The following MFHAS1 variants were observed in gnomAD, a reference collection of about 807,000 sequenced individuals.
MFHAS1 encodes multifunctional ROCO family signaling regulator 1, also known as malignant fibrous histiocytoma-amplified sequence 1.
In MFHAS1, 50 loss-of-function variants were observed where a neutral mutation model predicts 70.4. The observed-to-expected ratio is 0.71, with a 90% CI of 0.57 to 0.90. MFHAS1 has a LOEUF of 0.90. MFHAS1 is among the 40% of genes least tolerant of loss of function. MFHAS1 has a pLI of 0.00. For synonymous variants in MFHAS1, 952 were observed against 620.0 expected (o/e 1.54, Z -7.96); for missense variants, 1,795 against 1,347.6 (o/e 1.33, Z -5.20).
intron 1 of MFHAS1, among the ~76,000 whole-genome samples, chr8:8,840,154 C>T (rs942133317): frequency 4.6e-5 from 7 of 152,148 alleles, no homozygotes; most frequent in South Asian, 2.1e-4. Context: ...ACTCCAGGGA[C>T]GCAACAAAAT....
At chr8:8,802,960 C>T (rs1585023434) in intron 1 of MFHAS1, among the ~76,000 whole-genome samples, 1 of 152,248 alleles carries the variant, frequency 6.6e-6, no homozygotes, top group African/African-American at 2.4e-5. Flanking sequence ...TGCAGGCTAT[C>T]GGTAGATTTG....
At chr8:8,850,110 C>T (rs1013519240) in intron 1 of MFHAS1, among the ~76,000 whole-genome samples, 3 of 152,144 alleles carry the variant, frequency 2.0e-5, no homozygotes, top group African/African-American at 7.2e-5. Context: ...GCTACCAAAA[C>T]CAAAAATCAG....
chr8:8,816,029 A>G (rs1359857069), intron 1 of MFHAS1, among the ~76,000 whole-genome samples: 3 of 152,238 alleles, frequency 2.0e-5, no homozygotes, highest in Non-Finnish European at 2.9e-5. Flanking sequence ...GGGAATAACT[A>G]TGTTGAGTAA....
intron 2 of MFHAS1, among the ~76,000 whole-genome samples, chr8:8,789,921 G>C (rs538458088): frequency 2.6e-5 from 4 of 151,780 alleles, no homozygotes; most frequent in South Asian, 4.2e-4. Flanking sequence ...CTGCCTACCC[G>C]GCCTTGCCCG....
chr8:8,841,398 C>T (rs1807817907), intron 1 of MFHAS1, among the ~76,000 whole-genome samples: 1 of 152,044 alleles, frequency 6.6e-6, no homozygotes, highest in Non-Finnish European at 1.5e-5. Flanking sequence ...TCGCTTGAAC[C>T]CAGGAGGCAG....
At chr8:8,884,961 C>A (rs394557) in intron 1 of MFHAS1, among the ~76,000 whole-genome samples, 2 of 150,670 alleles carry the variant, frequency 1.3e-5, no homozygotes, top group Non-Finnish European at 3.0e-5. Context: ...CCCACCCCCC[C>A]AAAAAAAAAG....
intron 1 of MFHAS1, among the ~76,000 whole-genome samples, chr8:8,798,071 C>T (rs1387076596): frequency 6.6e-6 from 1 of 152,186 alleles, no homozygotes; most frequent in Non-Finnish European, 1.5e-5. Flanking sequence ...CACTATCTAA[C>T]GAGTCTAGCA....
At chr8:8,800,340 T>G (rs1251442379) in intron 1 of MFHAS1, among the ~76,000 whole-genome samples, 1 of 152,140 alleles carries the variant, frequency 6.6e-6, no homozygotes, top group African/African-American at 2.4e-5. Flanking sequence ...TAGGAAAAGA[T>G]CCTCAAATAT....
At position 8,892,897 on chromosome 8, in the gene MFHAS1, G is replaced by T. The variant is rs759785690; in HGVS notation, c.162C>A (p.Pro54=). 1 of 1,572,826 alleles carries T rather than the reference G, an allele frequency of 6.4e-7. No individual in the cohort carries two copies. Among genetic ancestry groups the T allele is most frequent in the Admixed American group, 1.9e-5 (1 of 54,026 alleles). The change falls in exon 1 of 3, where the codon CCC becomes CCA. Residue 54 remains proline (P), a synonymous_variant. Coordinates refer to ENST00000276282, the MANE Select transcript of MFHAS1 (RefSeq NM_004225.3). This position sits in a 1 kb window ranked among gnomAD's most constrained non-coding sequence, Gnocchi z 4.7. ...GADALESPAS[P]QLVLPANLGD... ...CGAGGTTGGCCGGCAGCACGAGCTG[G>T]GGGGAGGCGGGGGACTCGAGCGCGT...
chr8:8,810,547 T>C (rs550742320), intron 1 of MFHAS1, among the ~76,000 whole-genome samples: 1 of 152,340 alleles, frequency 6.6e-6, no homozygotes, highest in South Asian at 2.1e-4. Context: ...AAGATCTTTA[T>C]GACAATCCAC....
intron 1 of MFHAS1, among the ~76,000 whole-genome samples, chr8:8,797,985 G>C (rs1355790108): frequency 5.9e-5 from 9 of 152,196 alleles, no homozygotes; most frequent in Admixed American, 5.9e-4. Context: ...AACACAAACA[G>C]CCTAAGATCA....
chr8:8,800,795 A>C (rs1325548226), intron 1 of MFHAS1, among the ~76,000 whole-genome samples: 1 of 152,072 alleles, frequency 6.6e-6, no homozygotes, highest in Non-Finnish European at 1.5e-5. Context: ...CTGCCTGGAC[A>C]CTCAGAATAA....
intron 1 of MFHAS1, among the ~76,000 whole-genome samples, chr8:8,798,381 A>AGT (rs1166816604): frequency 6.6e-6 from 1 of 152,204 alleles, no homozygotes; most frequent in Non-Finnish European, 1.5e-5. Flanking sequence ...GCTGAAGTGC[A>AGT]GTGGCCTAAT....
In MFHAS1 at chr8:8,891,805, C is replaced by T. The variant is rs1043419291; in HGVS notation, c.1254G>A (p.Lys418=). The change falls in exon 1 of 3, where the codon AAG becomes AAA. Residue 418 remains lysine, a synonymous_variant. Coordinates refer to ENST00000276282, the MANE Select transcript of MFHAS1 (RefSeq NM_004225.3). The surrounding 1 kb of genome is among the most constrained non-coding windows in gnomAD (Gnocchi z 5.4). ...PRLKLLLMGH[K]AAGKTLLRHC... The stretch of plus-strand genomic sequence containing the variant: ...GGCGCAGCAAAGTCTTTCCTGCAGC[C>T]TTATGCCCCATCAGGAGCAGCTTGA... 1 of 1,613,380 alleles carries T rather than the reference C, an allele frequency of 6.2e-7. No homozygotes were observed. Among genetic ancestry groups the T allele is most frequent in the Non-Finnish European group, 8.5e-7 (1 of 1,180,002 alleles).
At chr8:8,816,682 C>A (rs971411771) in intron 1 of MFHAS1, among the ~76,000 whole-genome samples, 1 of 152,100 alleles carries the variant, frequency 6.6e-6, no homozygotes, top group Non-Finnish European at 1.5e-5. Flanking sequence ...ATTAATAATA[C>A]TAGATGCTAT....
chr8:8,798,011 G>A (rs2117259672), intron 1 of MFHAS1, among the ~76,000 whole-genome samples: 1 of 152,284 alleles, frequency 6.6e-6, no homozygotes, highest in African/African-American at 2.4e-5. Flanking sequence ...GCCTCCTCTG[G>A]GCAAGGGGAT....
intron 1 of MFHAS1, among the ~76,000 whole-genome samples, chr8:8,851,664 T>C (rs1273503709): frequency 6.6e-6 from 1 of 152,248 alleles, no homozygotes; most frequent in African/African-American, 2.4e-5. Flanking sequence ...TATTCTTTCA[T>C]ATTATACCCC....
intron 1 of MFHAS1, among the ~76,000 whole-genome samples, chr8:8,879,959 CT>C (rs1292910548): frequency 6.6e-6 from 1 of 152,200 alleles, no homozygotes; most frequent in Non-Finnish European, 1.5e-5. Context: ...TAAAATTTAT[CT>C]TTAAAAAAAA....
At chr8:8,817,703 C>T (rs763956702) in intron 1 of MFHAS1, among the ~76,000 whole-genome samples, 4 of 152,162 alleles carry the variant, frequency 2.6e-5, no homozygotes, top group East Asian at 1.9e-4. Flanking sequence ...CCAGGGATGG[C>T]GGAGGAGGGG....
Sources: gnomAD v4.1 joint callset for allele counts (sites outside exome capture counted in the v4.1 genomes callset) on GRCh38, gnomAD v4.1.1 for gene constraint, Gnocchi (gnomAD v3.1) non-coding constraint, MANE v1.5 for transcripts, NCBI Gene and HGNC (gene_info 2026-07-23, HGNC 2026-07-21) for gene names.